The following SLC12A7 variants were observed in gnomAD, a reference collection of about 807,000 sequenced individuals.
SLC12A7 encodes K-Cl cotransporter 4.
Under a neutral mutation model 120.6 loss-of-function variants are expected in SLC12A7, and 100 were observed. The ratio of observed to expected loss-of-function variants is 0.83; its 90% CI spans 0.71 to 0.98. The LOEUF (loss-of-function observed/expected upper bound fraction) is 0.98. Among genes scored for constraint, SLC12A7 ranks in the 50% least tolerant of loss-of-function variants. SLC12A7 has a pLI of 0.00. For missense variants in SLC12A7, 1,373 were observed against 1,548.1 expected (o/e 0.89, Z 1.90); for synonymous variants, 760 against 678.0 (o/e 1.12, Z -1.88).
At chr5:1,075,082 T>C (rs549408464) in intron 15 of SLC12A7, among the ~76,000 whole-genome samples, 1 of 152,246 alleles carries the variant, frequency 6.6e-6, no homozygotes, top group South Asian at 2.1e-4. Context: ...GCGAGACACG[T>C]AGCAGGAATA....
intron 12 of SLC12A7, 124 bp downstream of exon 12, chr5:1,077,709 T>G: frequency 2.8e-6 from 3 of 1,053,416 alleles, no homozygotes; most frequent in Non-Finnish European, 4.0e-6. Context: ...AGGGGCAGAA[T>G]GACCACCATG....
chr5:1,113,781 G>A (rs948247452), upstream of SLC12A7, among the ~76,000 whole-genome samples: 1 of 152,196 alleles, frequency 6.6e-6, no homozygotes, highest in Admixed American at 6.5e-5. Flanking sequence ...GCCCAATGGG[G>A]TCAATTATAG....
At chr5:1,101,246 C>A (rs993276713) in intron 1 of SLC12A7, among the ~76,000 whole-genome samples, 2 of 152,214 alleles carry the variant, frequency 1.3e-5, no homozygotes, top group Admixed American at 6.5e-5. Context: ...CGGTGCCCGT[C>A]CCTCCAGGTT....
intron 9 of SLC12A7, among the ~76,000 whole-genome samples, chr5:1,080,193 ACGCAGAGGC>A (rs1738854023): frequency 2.0e-4 from 7 of 35,196 alleles, no homozygotes; most frequent in Non-Finnish European, 5.2e-4. Flanking sequence ...ACCCGGAGCC[ACGCAGAGGC>A]TCTACCCCCA....
chr5:1,131,604 C>T, the SLC12A7 span, among the ~76,000 whole-genome samples: 2 of 152,210 alleles, frequency 1.3e-5, no homozygotes, highest in Non-Finnish European at 2.9e-5. Flanking sequence ...CCTGACCTCT[C>T]CGGGTCCCTA....
At chr5:1,105,873 G>A (rs745550046) in intron 1 of SLC12A7, among the ~76,000 whole-genome samples, 13 of 152,082 alleles carry the variant, frequency 8.5e-5, no homozygotes, top group Non-Finnish European at 1.5e-4. Flanking sequence ...CCTGAATGCC[G>A]TCCACGCCCA....
intron 21 of SLC12A7, among the ~76,000 whole-genome samples, chr5:1,059,861 G>A (rs1455594505): frequency 2.0e-5 from 3 of 149,996 alleles, no homozygotes; most frequent in Admixed American, 2.0e-4. Flanking sequence ...ACAGAAATCT[G>A]TGCATGCTGC....
the SLC12A7 span, among the ~76,000 whole-genome samples, chr5:1,142,585 CAT>C: frequency 1.4e-5 from 2 of 138,628 alleles, no homozygotes; most frequent in African/African-American, 5.5e-5. Flanking sequence ...TGTCTCTGTC[CAT>C]CTGTCTCTGT....
At chr5:1,094,705 C>T (rs116525087) in intron 1 of SLC12A7, among the ~76,000 whole-genome samples, 2,615 of 152,296 alleles carry the variant, frequency 0.017, 87 homozygotes, top group African/African-American at 0.06. Flanking sequence ...TCTTAAAAGT[C>T]GGGGTGGCAC....
At chr5:1,084,183 C>CGGGG (rs1739548369) in intron 7 of SLC12A7, among the ~76,000 whole-genome samples, 1 of 152,068 alleles carries the variant, frequency 6.6e-6, no homozygotes, top group African/African-American at 2.4e-5. Context: ...GACTGGGGAC[C>CGGGG]AGGGACCGGG....
rs1019872317 is a variant in SLC12A7 at position 1,094,121 on chromosome 5, C to T, written c.219+33G>A. ...ACTTTTCCACATCAAAGCAACGGCCCTGGCACCTTCTTCTTCTAAAAAGTA... is the reference window on the plus strand; with the variant it reads ...ACTTTTCCACATCAAAGCAACGGCCTTGGCACCTTCTTCTTCTAAAAAGTA... On this transcript the variant is annotated intron_variant, in intron 2 of 23. Coordinates refer to ENST00000264930, the MANE Select transcript of SLC12A7 (RefSeq NM_006598.3). The T allele has an allele frequency of 3.2e-6, 5 of 1,567,620 alleles. No individual in the cohort carries two copies. In the African/African-American group the frequency reaches 6.8e-5, roughly 21 times the overall value.
chr5:1,091,512 C>T (rs1740493440), intron 3 of SLC12A7, among the ~76,000 whole-genome samples: 3 of 152,162 alleles, frequency 2.0e-5, no homozygotes, highest in Admixed American at 2.0e-4. Flanking sequence ...CAAACTCCAG[C>T]ACACAGGCGG....
intron 12 of SLC12A7, among the ~76,000 whole-genome samples, chr5:1,077,065 C>CCT (rs1554016167): frequency 1.3e-5 from 2 of 151,656 alleles, no homozygotes; most frequent in Non-Finnish European, 2.9e-5. Flanking sequence ...CCTGCCCCCC[C>CCT]GCCTCAGTTT....
chr5:1,102,850 G>A (rs1039764965), intron 1 of SLC12A7, among the ~76,000 whole-genome samples: 14 of 152,146 alleles, frequency 9.2e-5, no homozygotes, highest in Non-Finnish European at 1.9e-4. Context: ...GGGACAGCCC[G>A]AGACTGAATG....
chr5:1,087,486 C>T (rs981591569), intron 5 of SLC12A7, among the ~76,000 whole-genome samples: 2 of 152,280 alleles, frequency 1.3e-5, no homozygotes, highest in Admixed American at 6.5e-5. Context: ...CCAGGGCTGC[C>T]TGGAGAACAC....
intron 1 of SLC12A7, among the ~76,000 whole-genome samples, chr5:1,107,231 C>T (rs80044030): frequency 0.034 from 5,127 of 152,354 alleles, 123 homozygotes; most frequent in Non-Finnish European, 0.056. Flanking sequence ...AGGAGTTCCC[C>T]GTGGTTCTGT....
At chr5:1,149,244 C>T in the SLC12A7 span, among the ~76,000 whole-genome samples, 75 of 151,274 alleles carry the variant, frequency 5.0e-4, 1 homozygote, top group African/African-American at 1.7e-3. Context: ...AGGGTCCCCA[C>T]TTGTAACATC....
At chr5:1,069,930 G>A (rs1330113053) in intron 17 of SLC12A7, among the ~76,000 whole-genome samples, 2 of 152,036 alleles carry the variant, frequency 1.3e-5, no homozygotes, top group East Asian at 3.8e-4. Flanking sequence ...GCACTCACCC[G>A]TCCCTCCCCA....
At chr5:1,062,329 G>A (rs2334955) in intron 20 of SLC12A7, among the ~76,000 whole-genome samples, 59,344 of 152,086 alleles carry the variant, frequency 0.39, 12,634 homozygotes, top group South Asian at 0.48. Context: ...TTATTCATAC[G>A]ACTATTAGCA....
Sources: gnomAD v4.1 joint callset for allele counts (sites outside exome capture counted in the v4.1 genomes callset) on GRCh38, gnomAD v4.1.1 for gene constraint, MANE v1.5 for transcripts, NCBI Gene and HGNC (gene_info 2026-07-23, HGNC 2026-07-21) for gene names.